PAM: variants seen among roughly 807,000 people sequenced by gnomAD.
PAM encodes peptidyl-glycine alpha-amidating monooxygenase.
A neutral mutation model predicts 122.1 loss-of-function variants in PAM; 72 were observed. The observed-to-expected ratio is 0.59, with a 90% CI of 0.49 to 0.72. The LOEUF is 0.72. Among genes scored for constraint, PAM ranks in the 30% least tolerant of loss-of-function variants. The pLI, the probability that PAM is intolerant of heterozygous loss-of-function variation, is 0.00. For synonymous variants in PAM, 389 were observed against 404.4 expected, an observed-to-expected ratio of 0.96 and a Z score of 0.46; for missense variants, 1,106 against 1,183.7, an observed-to-expected ratio of 0.93 and a Z score of 0.96.
In PAM at chr5:103,029,408, T is replaced by C. The variant is rs1187100557; in HGVS notation, c.*343T>C. ...CCCCATTCTTTGCTTGAACACAGTA[T>C]TTTCCCAATAGCACTTTCATTGCCA... On this transcript the variant is annotated 3_prime_UTR_variant, in exon 26 of 26. Coordinates refer to ENST00000438793, the MANE Select transcript of PAM (RefSeq NM_001177306.2). The C allele has an allele frequency of 5.6e-6, 1 of 179,438 alleles. No homozygotes were observed. Among genetic ancestry groups the C allele is most frequent in the Admixed American group, 6.2e-5 (1 of 16,094 alleles). 11.1% of individuals were successfully genotyped at this position (179,438 alleles called of 1,614,324 possible).
Position 102,891,404 on chromosome 5 carries a change from T to A in PAM, c.211-9952T>A, listed in dbSNP as rs142055274. ...ATAGTTCCTCTTAAAAGTTCAAAGCTAAGGATGCAAATCTGTTGAAACGTT... is the reference window on the plus strand; with the variant it reads ...ATAGTTCCTCTTAAAAGTTCAAAGCAAAGGATGCAAATCTGTTGAAACGTT... On this transcript the variant is annotated intron_variant, in intron 3 of 25. Transcript: ENST00000438793. 1.1e-4 allele frequency among the ~76,000 whole-genome samples: 17 copies of A among 152,014 alleles called. No homozygotes were observed. The East Asian group carries it at 3.1e-3, about 28-fold the overall frequency.
chr5:102,828,435 C>A (rs1367038596), intron 1 of PAM, among the ~76,000 whole-genome samples: 2 of 152,090 alleles, frequency 1.3e-5, no homozygotes, highest in African/African-American at 4.8e-5. Flanking sequence ...GGCTTCTGGT[C>A]CTATGAATAC....
intron 8 of PAM, 98 bp from the exon 9 acceptor site, chr5:102,948,280 C>T: frequency 1.6e-6 from 1 of 616,718 alleles, no homozygotes; most frequent in Non-Finnish European, 2.9e-6. Flanking sequence ...AAAAGCATCA[C>T]ATTTTATAAA....
chr5:102,942,350 A>T (rs1313855662), intron 7 of PAM, among the ~76,000 whole-genome samples: 2 of 152,074 alleles, frequency 1.3e-5, no homozygotes, highest in Admixed American at 6.6e-5. Context: ...AAGAACCATA[A>T]GGTAAAGATC....
intron 4 of PAM, among the ~76,000 whole-genome samples, chr5:102,906,406 C>T (rs1276657374): frequency 6.6e-6 from 1 of 151,588 alleles, no homozygotes; most frequent in Admixed American, 6.6e-5. Context: ...TTCATCTGGA[C>T]CTCTGAAGAT....
At chr5:102,859,599 T>A (rs1327082224) in intron 1 of PAM, among the ~76,000 whole-genome samples, 2 of 152,186 alleles carry the variant, frequency 1.3e-5, no homozygotes, top group South Asian at 2.1e-4. Flanking sequence ...AGAATATTTT[T>A]AAAATAAATT....
chr5:102,765,452 G>A (rs1753625394), intron 1 of PAM, among the ~76,000 whole-genome samples: 3 of 152,232 alleles, frequency 2.0e-5, no homozygotes, highest in South Asian at 4.1e-4. Flanking sequence ...CATCTAAATT[G>A]CAGGTTCTTC....
At chr5:102,777,720 T>C (rs1757547937) in intron 1 of PAM, among the ~76,000 whole-genome samples, 1 of 152,072 alleles carries the variant, frequency 6.6e-6, no homozygotes, top group Non-Finnish European at 1.5e-5. Context: ...CACCATTCAT[T>C]CCCGGGCCTG....
chr5:102,994,451 G>T (rs1036736589), intron 16 of PAM, among the ~76,000 whole-genome samples: 1 of 152,140 alleles, frequency 6.6e-6, no homozygotes, highest in Non-Finnish European at 1.5e-5. Flanking sequence ...TCAACTGAAG[G>T]AATTTTGGTC....
intron 1 of PAM, among the ~76,000 whole-genome samples, chr5:102,792,711 T>C (rs984396018): frequency 6.6e-6 from 1 of 152,226 alleles, no homozygotes; most frequent in Middle Eastern, 3.2e-3. Flanking sequence ...GAAACCATCA[T>C]TTTATCAAGT....
At chr5:102,795,428 A>G (rs1284221385) in intron 1 of PAM, among the ~76,000 whole-genome samples, 1 of 152,138 alleles carries the variant, frequency 6.6e-6, no homozygotes, top group African/African-American at 2.4e-5. Flanking sequence ...CCGTTTTTGG[A>G]GTACCACTAA....
intron 4 of PAM, among the ~76,000 whole-genome samples, chr5:102,910,770 C>G (rs1016285281): frequency 6.6e-6 from 1 of 151,756 alleles, no homozygotes; most frequent in Non-Finnish European, 1.5e-5. Context: ...TAGCTCTCTT[C>G]CCCTTGGATC....
intron 5 of PAM, among the ~76,000 whole-genome samples, chr5:102,914,807 C>T (rs570404042): frequency 6.6e-6 from 1 of 152,170 alleles, no homozygotes; most frequent in South Asian, 2.1e-4. Flanking sequence ...TTTCATTTTA[C>T]CACACTGCCT....
At chr5:102,982,256 G>A (rs1257573844) in intron 15 of PAM, among the ~76,000 whole-genome samples, 1 of 152,164 alleles carries the variant, frequency 6.6e-6, no homozygotes, top group East Asian at 1.9e-4. Context: ...CTGAGGACTG[G>A]TCCTTCCAGC....
intron 1 of PAM, among the ~76,000 whole-genome samples, chr5:102,811,279 A>G (rs1767827601): frequency 6.6e-6 from 1 of 152,216 alleles, no homozygotes; most frequent in South Asian, 2.1e-4. Context: ...TGAAACATCA[A>G]GGTGTCAGAA....
At chr5:102,785,886 G>A (rs1760389588) in intron 1 of PAM, among the ~76,000 whole-genome samples, 1 of 151,368 alleles carries the variant, frequency 6.6e-6, no homozygotes, top group South Asian at 2.1e-4. Flanking sequence ...TCATTCAAGT[G>A]GTTATATATG....
rs553137922 is a variant in PAM at position 102,774,371 on chromosome 5, C to A, written c.-374+19023C>A. Reference sequence around the variant, plus strand: ...AATGTTCCCTCATTTTTATTTATGGCAGCAGTATAGTGTGGGGATTAAGAG... The same window carrying A: ...AATGTTCCCTCATTTTTATTTATGGAAGCAGTATAGTGTGGGGATTAAGAG... On this transcript the variant is annotated intron_variant, in intron 1 of 25. Coordinates refer to ENST00000438793, the MANE Select transcript of PAM (RefSeq NM_001177306.2). 4.6e-5 allele frequency among the ~76,000 whole-genome samples: 7 copies of A among 151,986 alleles called. No individual in the cohort carries two copies. In the South Asian group the frequency reaches 1.5e-3, roughly 32 times the overall value.
rs562066915 is a variant in PAM, at chr5:102,915,529, G to A, written c.356+1508G>A. Among the ~76,000 whole-genome samples, 214 of 152,230 alleles carry A rather than the reference G, an allele frequency of 1.4e-3. 1 individual carries two copies. The highest frequency in any genetic ancestry group is 5.0e-3 in the African/African-American group (209 of 41,556). ...TCAACATTCCCGTTTATACTCTTCAGTAAATTTTTGTAAATAAAATTCTGG... is the reference window on the plus strand; with the variant it reads ...TCAACATTCCCGTTTATACTCTTCAATAAATTTTTGTAAATAAAATTCTGG... On this transcript the variant is annotated intron_variant, in intron 5 of 25. Transcript: ENST00000438793.
chr5:102,852,561 G>A (rs369895735), intron 1 of PAM, among the ~76,000 whole-genome samples: 9 of 151,818 alleles, frequency 5.9e-5, no homozygotes, highest in East Asian at 3.9e-4. Context: ...TGAGTTAGTC[G>A]CACCAGGATC....
Sources: gnomAD v4.1 joint callset for allele counts (sites outside exome capture counted in the v4.1 genomes callset) on GRCh38, gnomAD v4.1.1 for gene constraint, MANE v1.5 for transcripts, NCBI Gene and HGNC (gene_info 2026-07-23, HGNC 2026-07-21) for gene names.